Variants in WWOX observed in about 807,000 individuals in gnomAD.
The protein encoded by WWOX is WW domain containing oxidoreductase.
In WWOX, 69 loss-of-function variants were observed where a neutral mutation model predicts 46.2. That is an observed-to-expected ratio of 1.49 (90% CI 1.23 to 1.82). WWOX has a LOEUF of 1.82. Among genes scored for constraint, WWOX ranks in the 40% most tolerant of loss-of-function variants. WWOX has a pLI of 0.00. For missense variants in WWOX, 919 were observed against 542.6 expected (o/e 1.69, Z -6.89); for synonymous variants, 359 against 202.6 (o/e 1.77, Z -6.56).
chr16:78,720,982 G>T (rs947631385), intron 8 of WWOX, among the ~76,000 whole-genome samples: 4 of 152,236 alleles, frequency 2.6e-5, no homozygotes, highest in Admixed American at 2.0e-4. Flanking sequence ...TCACCACCGT[G>T]CCTGGAGAGT....
At chr16:78,104,831 A>T (rs1295085969) in intron 1 of WWOX, among the ~76,000 whole-genome samples, 2 of 152,156 alleles carry the variant, frequency 1.3e-5, no homozygotes, top group African/African-American at 4.8e-5. Flanking sequence ...TCCCGTGTTA[A>T]CTCACTCGGT....
intron 8 of WWOX, among the ~76,000 whole-genome samples, chr16:79,102,688 G>C (rs1022591461): frequency 1.3e-5 from 2 of 152,056 alleles, no homozygotes; most frequent in African/African-American, 4.8e-5. Context: ...ACTGCATAAA[G>C]ATGTCAAGTC....
chr16:78,716,469 A>G lies in WWOX; in HGVS notation c.1056+283717A>G, dbSNP rs140643664. Reference sequence around the variant, plus strand: ...TGCCAAATGCTGCCTGCCCTTCAAGATGAGTGTTATTTGGCAGAGGAAGAT... The same window carrying G: ...TGCCAAATGCTGCCTGCCCTTCAAGGTGAGTGTTATTTGGCAGAGGAAGAT... On this transcript the variant is annotated intron_variant, in intron 8 of 8. Transcript: ENST00000566780. Among the ~76,000 whole-genome samples, 19 of 152,138 alleles carry G rather than the reference A, an allele frequency of 1.2e-4. No homozygotes were observed. In the East Asian group the frequency reaches 3.7e-3, roughly 30 times the overall value.
intron 8 of WWOX, among the ~76,000 whole-genome samples, chr16:78,823,367 C>A (rs946441840): frequency 2.6e-5 from 4 of 152,124 alleles, no homozygotes; most frequent in Non-Finnish European, 5.9e-5. Context: ...GGACAGACTC[C>A]CACCCCATCC....
At chr16:78,538,854 A>C (rs1175189826) in intron 8 of WWOX, among the ~76,000 whole-genome samples, 2 of 152,198 alleles carry the variant, frequency 1.3e-5, no homozygotes, top group South Asian at 2.1e-4. Context: ...ATTTCTGTTC[A>C]TTTGGTCCTG....
At chr16:78,234,804 A>AC (rs199733438) in intron 5 of WWOX, among the ~76,000 whole-genome samples, 10,398 of 150,990 alleles carry the variant, frequency 0.069, 857 homozygotes, top group East Asian at 0.32. Flanking sequence ...AAAAACAACA[A>AC]AAAAAAACCC....
intron 8 of WWOX, among the ~76,000 whole-genome samples, chr16:78,478,380 C>T (rs2084404325): frequency 6.6e-6 from 1 of 152,102 alleles, no homozygotes; most frequent in Non-Finnish European, 1.5e-5. Context: ...TGATCTGGTT[C>T]TTCCTTAAGC....
intron 5 of WWOX, among the ~76,000 whole-genome samples, chr16:78,196,816 G>A (rs2036067622): frequency 6.6e-6 from 1 of 152,202 alleles, no homozygotes; most frequent in African/African-American, 2.4e-5. Context: ...TTCTGCTAAT[G>A]ATTTAATGTA....
intron 8 of WWOX, among the ~76,000 whole-genome samples, chr16:78,435,440 A>G (rs1039345239): frequency 6.6e-6 from 1 of 152,202 alleles, no homozygotes; most frequent in African/African-American, 2.4e-5. Context: ...GGAGAAACAA[A>G]TGTCCTCTGG....
At chr16:78,564,538 C>A (rs1406148778) in intron 8 of WWOX, among the ~76,000 whole-genome samples, 1 of 152,166 alleles carries the variant, frequency 6.6e-6, no homozygotes, top group African/African-American at 2.4e-5. Context: ...TGAGTGTTAA[C>A]ACACAGAGAA....
chr16:78,456,960 A>T (rs935371734), intron 8 of WWOX, among the ~76,000 whole-genome samples: 1 of 152,248 alleles, frequency 6.6e-6, no homozygotes, highest in African/African-American at 2.4e-5. Flanking sequence ...GGGAAGATGC[A>T]CATCCCCTTG....
chr16:78,781,410 A>T (rs2050320664), intron 8 of WWOX, among the ~76,000 whole-genome samples: 1 of 151,614 alleles, frequency 6.6e-6, no homozygotes, highest in African/African-American at 2.4e-5. Context: ...ACCCCCTCCC[A>T]CCTCTAGCCC....
rs553307077 is a variant in WWOX at position 78,751,213 on chromosome 16, C to T, written c.1056+318461C>T. Among the ~76,000 whole-genome samples the T allele has an allele frequency of 4.3e-4, 65 of 151,806 alleles. No homozygotes were observed. The South Asian group carries it at 5.2e-3, about 12-fold the overall frequency. ...AGACAGATGTATTTAATTTGTGTTT[C>T]GAACTACATATCAGAAATTAGTTAG... On this transcript the variant is annotated intron_variant, in intron 8 of 8. Coordinates refer to ENST00000566780, the MANE Select transcript of WWOX (RefSeq NM_016373.4).
rs1023381215 is a variant in WWOX at position 78,386,944 on chromosome 16, A to T, written c.601A>T (p.Asn201Tyr). 1 of 1,613,808 alleles carries T rather than the reference A, an allele frequency of 6.2e-7. No individual in the cohort carries two copies. The highest frequency in any genetic ancestry group is 1.3e-5 in the African/African-American group (1 of 74,906). ...QHFAEAFKAK[N>Y]VPLHVLVCNA... ...TTTTGCTGAAGCATTCAAGGCCAAGAATGTGTGAGTGTTCCAGTGGAGGGT... is the reference window on the plus strand; with the variant it reads ...TTTTGCTGAAGCATTCAAGGCCAAGTATGTGTGAGTGTTCCAGTGGAGGGT... Residue 201 changes from asparagine to tyrosine, a missense_variant, in exon 6 of 9, where the codon AAT becomes TAT. Asn to Tyr is a moderately radical substitution (Grantham distance 143). Coordinates refer to ENST00000566780, the MANE Select transcript of WWOX (RefSeq NM_016373.4).
intron 8 of WWOX, among the ~76,000 whole-genome samples, chr16:78,757,299 C>G (rs937239342): frequency 1.7e-4 from 25 of 151,352 alleles, no homozygotes; most frequent in African/African-American, 4.4e-4. Context: ...GTAAGAAAAC[C>G]AGTTAATTGT....
intron 8 of WWOX, among the ~76,000 whole-genome samples, chr16:78,472,999 G>A (rs80067484): frequency 6.6e-6 from 1 of 152,226 alleles, no homozygotes; most frequent in African/African-American, 2.4e-5. Context: ...CCGCCTGCAG[G>A]AGAACATTTT....
intron 8 of WWOX, among the ~76,000 whole-genome samples, chr16:78,510,413 T>C (rs946962807): frequency 1.8e-4 from 28 of 152,234 alleles, no homozygotes; most frequent in Non-Finnish European, 7.4e-5. Flanking sequence ...ACCCTTTTGA[T>C]TGGTTGGCCA....
chr16:78,364,570 G>GA (rs5818133), intron 5 of WWOX, among the ~76,000 whole-genome samples: 72,294 of 150,748 alleles, frequency 0.48, 19,119 homozygotes, highest in Non-Finnish European at 0.6. Flanking sequence ...AAATGGGAAA[G>GA]AAAAAAAAAA....
At chr16:78,331,796 G>A in intron 5 of WWOX, among the ~76,000 whole-genome samples, 1 of 152,012 alleles carries the variant, frequency 6.6e-6, no homozygotes, top group African/African-American at 2.4e-5. Context: ...TGCCTGCTTT[G>A]TGGCATATGC....
Sources: gnomAD v4.1 joint callset for allele counts (sites outside exome capture counted in the v4.1 genomes callset) on GRCh38, gnomAD v4.1.1 for gene constraint, MANE v1.5 for transcripts, NCBI Gene and HGNC (gene_info 2026-07-23, HGNC 2026-07-21) for gene names.